Variants in SCRG1 observed in about 807,000 individuals in gnomAD.
The protein encoded by SCRG1 is scrapie-responsive protein 1.
Under a neutral mutation model 7.7 loss-of-function variants are expected in SCRG1, and 3 were observed. The ratio of observed to expected loss-of-function variants is 0.39; its 90% CI spans 0.18 to 1.01. The LOEUF is 1.01. Ranked by LOEUF, SCRG1 falls within the 50% of genes least tolerant of loss-of-function variation. The pLI, the probability that SCRG1 is intolerant of heterozygous loss-of-function variation, is 0.36. For synonymous variants in SCRG1, 46 were observed against 41.2 expected, an observed-to-expected ratio of 1.12 and a Z score of -0.44; for missense variants, 110 against 117.2, an observed-to-expected ratio of 0.94 and a Z score of 0.28.
At chr4:173,474,425 C>T in the SCRG1 span, among the ~76,000 whole-genome samples, 8 of 152,154 alleles carry the variant, frequency 5.3e-5, no homozygotes, top group African/African-American at 1.7e-4. Context: ...GACAGAACAT[C>T]AGAAAGTTAT....
chr4:173,391,983 AAGTACCCAAAGC>A, intron 1 of SCRG1, among the ~76,000 whole-genome samples: 1 of 152,290 alleles, frequency 6.6e-6, no homozygotes, highest in South Asian at 2.1e-4. Context: ...TGCATTTAAG[AAGTACCCAAAGC>A]TATATATCTT....
rs1739272275 is a variant in SCRG1 at position 173,387,358 on chromosome 4, T to C, written c.*983A>G. On this transcript the variant is annotated 3_prime_UTR_variant, in exon 3 of 3. Coordinates refer to ENST00000296506, the MANE Select transcript of SCRG1 (RefSeq NM_007281.4). ...TTAAAGTTCTTGGTTTTTGTTTGTT[T>C]GTTTGAGACAGAGTCTCACTCTGTG... is the stretch of plus-strand genomic sequence containing the variant. 1 of 152,254 alleles carries C rather than the reference T, an allele frequency of 6.6e-6. No individual in the cohort carries two copies. The highest frequency in any genetic ancestry group is 6.5e-5 in the Admixed American group (1 of 15,278). 9.4% of individuals were successfully genotyped at this position (152,254 alleles called of 1,614,324 possible). A position where few individuals can be genotyped will look rare whatever the true frequency, so the allele number is the denominator to read the frequency against.
the SCRG1 span, among the ~76,000 whole-genome samples, chr4:173,513,496 G>A: frequency 2.0e-5 from 3 of 152,238 alleles, no homozygotes. Context: ...AGGTGTAAGA[G>A]GATGTATGTG....
Position 173,391,293 on chromosome 4 carries a change from AG to A in SCRG1, c.121del (p.Leu41PhefsTer5). The A allele has an allele frequency of 6.2e-7, 1 of 1,614,194 alleles. No individual in the cohort carries two copies. The highest frequency in any genetic ancestry group is 8.5e-7 in the Non-Finnish European group (1 of 1,180,020). On this transcript the variant is annotated frameshift_variant, in exon 2 of 3. Transcript: ENST00000296506. LOFTEE classifies it high-confidence loss of function. ...TGTCAGGTCAGCTACTCCTTCCGGAAGGTTGTGACAGTTGTGATCTTTTAGT... is the reference window on the plus strand; with the variant it reads ...TGTCAGGTCAGCTACTCCTTCCGGAAGTTGTGACAGTTGTGATCTTTTAGT... ...KILKDHNCHN[L>X]PEGVADLTQI...
chr4:173,408,952 G>A (rs1169490118), upstream of SCRG1, among the ~76,000 whole-genome samples: 13 of 136,908 alleles, frequency 9.5e-5, no homozygotes, highest in African/African-American at 2.3e-4. Context: ...AGATGGCGCC[G>A]CCGCACTCCG....
the SCRG1 span, among the ~76,000 whole-genome samples, chr4:173,504,492 A>C: frequency 2.6e-5 from 4 of 152,324 alleles, no homozygotes; most frequent in South Asian, 6.2e-4. The surrounding 1 kb of genome is among the most constrained non-coding windows in gnomAD (Gnocchi z 4.7). Flanking sequence ...CAGGCAAAAG[A>C]AGCTCAGAAA....
the SCRG1 span, among the ~76,000 whole-genome samples, chr4:173,424,742 C>G: frequency 6.6e-6 from 1 of 152,002 alleles, no homozygotes; most frequent in Non-Finnish European, 1.5e-5. Flanking sequence ...AACTCTGTCT[C>G]TACTAAAAAT....
At position 173,386,492 on chromosome 4, in the gene SCRG1, ATTGT is replaced by A. The variant is rs1409568333; in HGVS notation, c.*1845_*1848del. 3.3e-5 allele frequency: 5 copies of A among 152,020 alleles called. No individual in the cohort carries two copies. The highest frequency in any genetic ancestry group is 3.9e-4 in the East Asian group (2 of 5,176). The allele number at this position is 152,020 out of a possible 1,614,324, so 9.4% of individuals were successfully genotyped here. ...GACACTGAATTGTGACTACCTCAAAATTGTTTGGTCCAGCCCAGTAACACTTATT... is the reference window on the plus strand; with the variant it reads ...GACACTGAATTGTGACTACCTCAAAATTGGTCCAGCCCAGTAACACTTATT... On this transcript the variant is annotated 3_prime_UTR_variant, in exon 3 of 3. Coordinates refer to ENST00000296506, the MANE Select transcript of SCRG1 (RefSeq NM_007281.4).
At chr4:173,434,794 G>T in the SCRG1 span, among the ~76,000 whole-genome samples, 1 of 152,120 alleles carries the variant, frequency 6.6e-6, no homozygotes, top group Non-Finnish European at 1.5e-5. Context: ...TCGTGCCACG[G>T]CACTCTAGCC....
chr4:173,514,615 A>G, the SCRG1 span, among the ~76,000 whole-genome samples: 3 of 152,186 alleles, frequency 2.0e-5, no homozygotes, highest in African/African-American at 7.2e-5. Context: ...TCAACTAAGC[A>G]GGGTGTGGAA....
the SCRG1 span, among the ~76,000 whole-genome samples, chr4:173,514,261 C>T: frequency 2.6e-5 from 4 of 152,166 alleles, no homozygotes; most frequent in South Asian, 2.1e-4. Context: ...GTTCTAGGAT[C>T]GTAGACTTGG....
chr4:173,419,552 C>A, the SCRG1 span: 2 of 728,952 alleles, frequency 2.7e-6, no homozygotes, highest in Non-Finnish European at 5.0e-6. Flanking sequence ...GATGTGCTTC[C>A]GGTGTACTTC....
At chr4:173,421,717 A>G in the SCRG1 span, among the ~76,000 whole-genome samples, 1 of 152,204 alleles carries the variant, frequency 6.6e-6, no homozygotes, top group African/African-American at 2.4e-5. Context: ...ATGCAGGGGT[A>G]GATTCTCTTA....
the SCRG1 span, among the ~76,000 whole-genome samples, chr4:173,505,847 TG>T: frequency 2.0e-5 from 3 of 152,106 alleles, no homozygotes; most frequent in Non-Finnish European, 4.4e-5. This position sits in a 1 kb window ranked among gnomAD's most constrained non-coding sequence, Gnocchi z 4.4. Context: ...GGTTAACACG[TG>T]GGTTTCCAGA....
chr4:173,493,656 A>G, the SCRG1 span, among the ~76,000 whole-genome samples: 1 of 151,146 alleles, frequency 6.6e-6, no homozygotes, highest in Non-Finnish European at 1.5e-5. Context: ...GCACACCGTC[A>G]TCACTATTAA....
chr4:173,395,695 A>G (rs1011737943), intron 1 of SCRG1, among the ~76,000 whole-genome samples: 6 of 152,232 alleles, frequency 3.9e-5, no homozygotes, highest in African/African-American at 9.6e-5. Flanking sequence ...AATCTGGCCT[A>G]CAAGAACTGT....
At chr4:173,511,601 G>T in the SCRG1 span, among the ~76,000 whole-genome samples, 5 of 152,016 alleles carry the variant, frequency 3.3e-5, no homozygotes, top group Non-Finnish European at 5.9e-5. This position sits in a 1 kb window ranked among gnomAD's most constrained non-coding sequence, Gnocchi z 5.2. Flanking sequence ...CATGCTGGCC[G>T]GGTACCAAGA....
upstream of SCRG1, among the ~76,000 whole-genome samples, chr4:173,400,310 A>G (rs1216745029): frequency 6.6e-6 from 1 of 152,222 alleles, no homozygotes. Flanking sequence ...CCTTTGGACG[A>G]TGATACTGTT....
the SCRG1 span, among the ~76,000 whole-genome samples, chr4:173,502,967 T>C: frequency 6.6e-6 from 1 of 152,158 alleles, no homozygotes; most frequent in South Asian, 2.1e-4. This position sits in a 1 kb window ranked among gnomAD's most constrained non-coding sequence, Gnocchi z 4.6. Flanking sequence ...GGGGGTCTGG[T>C]GCACAGTGGG....
Sources: gnomAD v4.1 joint callset for allele counts (sites outside exome capture counted in the v4.1 genomes callset) on GRCh38, gnomAD v4.1.1 for gene constraint, Gnocchi (gnomAD v3.1) non-coding constraint, MANE v1.5 for transcripts, NCBI Gene and HGNC (gene_info 2026-07-23, HGNC 2026-07-21) for gene names.